The following TCOF1 variants were observed in gnomAD, a reference collection of about 807,000 sequenced individuals.
The protein encoded by TCOF1 is treacle ribosome biogenesis factor 1.
TCOF1 carries 33 observed loss-of-function variants against 149.0 expected under a neutral mutation model. The observed-to-expected ratio is 0.22, with a 90% confidence interval of 0.17 to 0.30. TCOF1 has a LOEUF of 0.30. Ranked by LOEUF, TCOF1 falls within the 10% of genes least tolerant of loss-of-function variation. TCOF1 has a pLI of 1.00. For synonymous variants in TCOF1, 789 were observed against 738.8 expected (o/e 1.07, Z -1.10); for missense variants, 1,728 against 1,840.7 (o/e 0.94, Z 1.12).
chr5:150,384,946 G>A, intron 17 of TCOF1: 3 of 985,412 alleles, frequency 3.0e-6, no homozygotes, highest in Non-Finnish European at 3.6e-6. Flanking sequence ...CTGGGAGGCA[G>A]GGATAGATAC....
intron 7 of TCOF1, among the ~76,000 whole-genome samples, chr5:150,373,587 T>G (rs1763020688): frequency 6.6e-6 from 1 of 151,530 alleles, no homozygotes; most frequent in Admixed American, 6.6e-5. Flanking sequence ...CACCGAGGAG[T>G]TAGTGAAGAG....
chr5:150,395,071 CG>C (rs976195713), intron 23 of TCOF1, among the ~76,000 whole-genome samples: 6 of 152,208 alleles, frequency 3.9e-5, no homozygotes, highest in African/African-American at 1.4e-4. Context: ...CCAGCCGTCC[CG>C]GGGGCCCCTC....
rs1764382571 is a variant in TCOF1 at position 150,378,830 on chromosome 5, C to T, written c.2341-75C>T. ...AGAATCCAGACTCGGGCTCCAGCTC[C>T]AGAGTCTGTATTCTTGGCTAGCTGC... is the stretch of plus-strand genomic sequence containing the variant. On this transcript the variant is annotated intron_variant, in intron 14 of 26. Coordinates refer to ENST00000643257, the MANE Select transcript of TCOF1 (RefSeq NM_001371623.1). 1.4e-5 allele frequency: 22 copies of T among 1,609,572 alleles called. No individual in the cohort carries two copies. The East Asian group carries it at 4.7e-4, about 34-fold the overall frequency.
chr5:150,371,974 A>G (rs1291068845), intron 6 of TCOF1, 32 bp from the exon 7 acceptor site: 1 of 1,580,016 alleles, frequency 6.3e-7, no homozygotes, highest in Non-Finnish European at 8.7e-7. Context: ...AGTAATTATT[A>G]TTCATTTTCT....
chr5:150,385,184 G>A, intron 17 of TCOF1: 1 of 752,698 alleles, frequency 1.3e-6, no homozygotes, highest in Non-Finnish European at 1.6e-6. Flanking sequence ...TATTTTTTAA[G>A]GCCAACTTCT....
At chr5:150,375,301 T>C in intron 10 of TCOF1, 38 bp from the exon 11 acceptor site, 3 of 1,606,956 alleles carry the variant, frequency 1.9e-6, no homozygotes, top group Non-Finnish European at 2.6e-6. Context: ...ATTCTCCTTC[T>C]GGACTCCCTC....
chr5:150,378,821 C>G (rs1764379774), intron 14 of TCOF1, 84 bp from the exon 15 acceptor site: 1 of 1,598,116 alleles, frequency 6.3e-7, no homozygotes, highest in South Asian at 1.1e-5. Context: ...CAGACTCGGG[C>G]TCCAGCTCCA....
chr5:150,365,253 CTT>C (rs991524826), intron 3 of TCOF1, among the ~76,000 whole-genome samples: 12 of 116,478 alleles, frequency 1.0e-4, no homozygotes, highest in Admixed American at 2.7e-4. Context: ...CTTTTTCTTT[CTT>C]TTTTTTTTTT....
chr5:150,399,005 T>C lies in TCOF1; in HGVS notation c.4444-17T>C. The C allele has an allele frequency of 6.2e-7, 1 of 1,614,196 alleles. No homozygotes were observed. Among genetic ancestry groups the C allele is most frequent in the Non-Finnish European group, 8.5e-7 (1 of 1,180,034 alleles). On this transcript the variant is annotated splice_polypyrimidine_tract_variant and intron_variant, in intron 25 of 26. Transcript: ENST00000643257. ...AAGCTGCAGGTCTGAGAGCCTCTCG[T>C]ACTTCCCTCCTCACAGAAGAAGACA...
intron 18 of TCOF1, among the ~76,000 whole-genome samples, chr5:150,389,489 T>C (rs572786443): frequency 1.1e-3 from 170 of 152,344 alleles, no homozygotes; most frequent in Non-Finnish European, 2.0e-3. Context: ...TTGGCTGTTA[T>C]AAACAGTGCT....
At chr5:150,367,808 C>T (rs139669820) in intron 3 of TCOF1, 36 bp from the exon 4 acceptor site, 5 of 1,612,316 alleles carry the variant, frequency 3.1e-6, no homozygotes, top group East Asian at 2.2e-5. Flanking sequence ...GAGAAAAGCT[C>T]ATCTGGCTCC....
intron 3 of TCOF1, among the ~76,000 whole-genome samples, chr5:150,367,283 C>T (rs921663745): frequency 1.3e-5 from 2 of 152,110 alleles, no homozygotes; most frequent in Non-Finnish European, 2.9e-5. Flanking sequence ...CCAGCCTGGG[C>T]GACAGAGCAG....
chr5:150,393,633 C>T, intron 23 of TCOF1, 81 bp downstream of exon 23: 1 of 1,568,534 alleles, frequency 6.4e-7, no homozygotes, highest in East Asian at 2.3e-5. Flanking sequence ...CCTGTAGCAA[C>T]AGTCCTCCCA....
intron 14 of TCOF1, 56 bp downstream of exon 14, chr5:150,376,676 T>TGA: frequency 1.3e-6 from 2 of 1,534,030 alleles, no homozygotes; most frequent in South Asian, 2.4e-5. Flanking sequence ...GAGCCAGGGC[T>TGA]GAGGATGGGC....
At chr5:150,368,173 T>C (rs1389322189) in intron 4 of TCOF1, 1 of 495,946 alleles carries the variant, frequency 2.0e-6, no homozygotes, top group African/African-American at 1.9e-5. Context: ...GCGATTTCTT[T>C]CCTCTTTCAT....
chr5:150,386,309 G>A (rs934482292), intron 17 of TCOF1, among the ~76,000 whole-genome samples: 5 of 152,128 alleles, frequency 3.3e-5, no homozygotes, highest in East Asian at 3.8e-4. Flanking sequence ...CTTCGTCCCC[G>A]ACAATCTGTT....
At chr5:150,390,054 G>A in intron 19 of TCOF1, 31 bp downstream of exon 19, 1 of 1,581,990 alleles carries the variant, frequency 6.3e-7, no homozygotes. Flanking sequence ...GGTAATGCAG[G>A]CCAGTGGGGT....
chr5:150,361,596 A>G (rs1185197770), intron 2 of TCOF1, among the ~76,000 whole-genome samples: 1 of 152,246 alleles, frequency 6.6e-6, no homozygotes, highest in Non-Finnish European at 1.5e-5. Flanking sequence ...GGCATAAGTC[A>G]AAGAATGAAA....
At chr5:150,361,117 C>T (rs974776128) in intron 1 of TCOF1, 39 bp from the exon 2 acceptor site, 6 of 1,613,544 alleles carry the variant, frequency 3.7e-6, no homozygotes, top group Non-Finnish European at 5.1e-6. Flanking sequence ...CCTTACTGTG[C>T]TGGGGATTAA....
Sources: allele counts gnomAD v4.1 joint callset (sites outside exome capture counted in the v4.1 genomes callset), GRCh38; gene constraint gnomAD v4.1.1; transcripts MANE v1.5; gene names NCBI Gene and HGNC (gene_info 2026-07-23, HGNC 2026-07-21).